The following CHIC1 variants were observed in gnomAD, a reference collection of about 807,000 sequenced individuals.
The protein encoded by CHIC1 is cysteine rich hydrophobic domain 1.
A neutral mutation model predicts 18.5 loss-of-function variants in CHIC1; 7 were observed. The observed-to-expected ratio is 0.38, with a 90% CI of 0.22 to 0.71. The LOEUF (loss-of-function observed/expected upper bound fraction) is 0.71, where lower values mean the gene tolerates loss of function less well. CHIC1 is among the 30% of genes least tolerant of loss of function. The pLI is 0.49. For synonymous variants in CHIC1, 77 were observed against 73.5 expected, an observed-to-expected ratio of 1.05 and a Z score of -0.25; for missense variants, 159 against 176.9, an observed-to-expected ratio of 0.90 and a Z score of 0.57.
chrX:73,605,727 G>C (rs2057679643), intron 3 of CHIC1, among the ~76,000 whole-genome samples: 1 of 108,582 alleles, frequency 9.2e-6, no homozygotes, highest in Non-Finnish European at 1.9e-5. Flanking sequence ...GTCTGTAGAG[G>C]ATTTTATTTC....
At position 73,599,026 on chromosome X, in the gene CHIC1, A is replaced by G. The variant is rs1178562060; in HGVS notation, c.507+14454A>G. ...CTGACTTTTTAATGATTGCCATTCT[A>G]ACTTGTGTGAGATGGTATCTCATTG... On this transcript the variant is annotated intron_variant, in intron 3 of 5. Transcript: ENST00000373502. Among the ~76,000 whole-genome samples the G allele has an allele frequency of 3.1e-3, 333 of 108,714 alleles. 3 individuals are homozygous for G. The highest frequency in any genetic ancestry group is 1.5e-3 in the Non-Finnish European group (78 of 52,464). The allele number at this position is 108,714 out of a possible 115,157, so 94.4% of individuals were successfully genotyped here.
In CHIC1 at chrX:73,563,424, A is replaced by C; in HGVS notation, c.140A>C (p.Asp47Ala). 1 of 1,159,941 alleles carries C rather than the reference A, an allele frequency of 8.6e-7. No homozygotes were observed. Among genetic ancestry groups the C allele is most frequent in the Non-Finnish European group, 1.2e-6 (1 of 869,112 alleles). Residue 47 changes from aspartate (D) to alanine (A), a missense_variant, in exon 1 of 6, where the codon GAT (aspartate) becomes GCT (alanine). By Grantham distance (126) the Asp-to-Ala change is moderately radical. Transcript: ENST00000373502. ...TCTGGGCCCGACGATGACGAGGAGGATGAGGAGGAAGAGGAGGAAGAGGAG... is the reference window on the plus strand; with the variant it reads ...TCTGGGCCCGACGATGACGAGGAGGCTGAGGAGGAAGAGGAGGAAGAGGAG... ...SVSGPDDDEE[D>A]EEEEEEEEEE...
chrX:73,591,271 T>C (rs1248942814), intron 3 of CHIC1, among the ~76,000 whole-genome samples: 2 of 110,697 alleles, frequency 1.8e-5, no homozygotes, highest in Non-Finnish European at 1.9e-5. Flanking sequence ...ATGACCCCCC[T>C]TTTTTTAATG....
chrX:73,639,272 A>AT (rs2057844360), intron 3 of CHIC1, among the ~76,000 whole-genome samples: 1 of 111,673 alleles, frequency 9.0e-6, no homozygotes, highest in South Asian at 3.7e-4. Context: ...TTCTCTAATG[A>AT]TTAGTGATAT....
intron 3 of CHIC1, among the ~76,000 whole-genome samples, chrX:73,651,617 C>T (rs2057916872): frequency 9.0e-6 from 1 of 110,730 alleles, no homozygotes; most frequent in Non-Finnish European, 1.9e-5. Flanking sequence ...CATGAGTGAA[C>T]TCCCAATCAC....
At chrX:73,597,888 G>C (rs927432052) in intron 3 of CHIC1, among the ~76,000 whole-genome samples, 1 of 110,621 alleles carries the variant, frequency 9.0e-6, no homozygotes, top group Non-Finnish European at 1.9e-5. Flanking sequence ...TTCTATTCCT[G>C]TGTTAGTTTG....
rs756686169 is a variant in CHIC1 at position 73,629,599 on chromosome X, A to G, written c.507+45027A>G. Among the ~76,000 whole-genome samples, 13 of 112,116 alleles carry G rather than the reference A, an allele frequency of 1.2e-4. No individual in the cohort carries two copies. The South Asian group carries it at 4.8e-3, about 41-fold the overall frequency. The stretch of plus-strand genomic sequence containing the variant: ...TGTATGCTTGTTTTCCTTTTCAAAA[A>G]TTAGTTGACCATATATGCATGAGTT... On this transcript the variant is annotated intron_variant, in intron 3 of 5. Transcript: ENST00000373502.
At chrX:73,658,254 T>G (rs1012568955) in intron 3 of CHIC1, among the ~76,000 whole-genome samples, 1 of 82,172 alleles carries the variant, frequency 1.2e-5, no homozygotes, top group African/African-American at 4.4e-5. Flanking sequence ...CTAGGTTTTT[T>G]TTTTTTTTTT....
At chrX:73,643,250 T>G (rs1471431541) in intron 3 of CHIC1, among the ~76,000 whole-genome samples, 1 of 111,083 alleles carries the variant, frequency 9.0e-6, no homozygotes, top group Non-Finnish European at 1.9e-5. Flanking sequence ...GTTAGTCTGA[T>G]GGGCTTCCCT....
chrX:73,578,624 G>A (rs1233778229), intron 2 of CHIC1: 1 of 109,887 alleles, frequency 9.1e-6, no homozygotes, highest in Non-Finnish European at 1.9e-5. Context: ...GGTGAGAAAA[G>A]CAAAATGAAA....
At chrX:73,565,480 T>A (rs755990063) in intron 1 of CHIC1, among the ~76,000 whole-genome samples, 1 of 111,882 alleles carries the variant, frequency 8.9e-6, no homozygotes, top group African/African-American at 3.2e-5. Context: ...CGGGTAGTAC[T>A]GTTGGTATTC....
chrX:73,656,731 G>C (rs929294447), intron 3 of CHIC1, among the ~76,000 whole-genome samples: 6 of 112,135 alleles, frequency 5.4e-5, no homozygotes, highest in African/African-American at 1.6e-4. Flanking sequence ...GAGTCAGGTA[G>C]CGTGATGCCT....
At chrX:73,570,583 A>C (rs1206158529) in intron 1 of CHIC1, among the ~76,000 whole-genome samples, 2 of 111,185 alleles carry the variant, frequency 1.8e-5, no homozygotes, top group East Asian at 5.6e-4. Flanking sequence ...AGTTTTAGAC[A>C]GGTTTCACTT....
chrX:73,663,941 C>T (rs1312692386), intron 3 of CHIC1, among the ~76,000 whole-genome samples: 2 of 111,635 alleles, frequency 1.8e-5, no homozygotes, highest in African/African-American at 3.3e-5. Flanking sequence ...ACTTAATCGC[C>T]CTAGGACTAA....
chrX:73,624,538 C>T (rs776642125), intron 3 of CHIC1, among the ~76,000 whole-genome samples: 3 of 112,195 alleles, frequency 2.7e-5, no homozygotes, highest in Non-Finnish European at 5.6e-5. Flanking sequence ...TTCTATTGCT[C>T]TTCCCAGAAG....
chrX:73,590,876 T>G (rs1009793222), intron 3 of CHIC1, among the ~76,000 whole-genome samples: 1 of 111,668 alleles, frequency 9.0e-6, no homozygotes, highest in African/African-American at 3.2e-5. Context: ...TCTTGGTTAC[T>G]TCCAAGGTTT....
intron 1 of CHIC1, among the ~76,000 whole-genome samples, chrX:73,570,368 A>G (rs936261831): frequency 3.6e-5 from 4 of 111,165 alleles, no homozygotes; most frequent in African/African-American, 6.5e-5. Flanking sequence ...AGCAGTGACA[A>G]TGAAGGAAGG....
intron 3 of CHIC1, among the ~76,000 whole-genome samples, chrX:73,663,733 C>T (rs1010858071): frequency 4.5e-5 from 5 of 111,066 alleles, no homozygotes; most frequent in African/African-American, 1.6e-4. Flanking sequence ...CAGATATACT[C>T]CTGTGGCTCC....
chrX:73,666,092 G>T (rs5982470), intron 3 of CHIC1, among the ~76,000 whole-genome samples: 1,305 of 111,545 alleles, frequency 0.012, 8 homozygotes, highest in Middle Eastern at 0.023. Flanking sequence ...AGAGAATTTG[G>T]CTGCCTTCAA....
Sources: gnomAD v4.1 joint callset for allele counts (sites outside exome capture counted in the v4.1 genomes callset) on GRCh38, gnomAD v4.1.1 for gene constraint, MANE v1.5 for transcripts, NCBI Gene and HGNC (gene_info 2026-07-23, HGNC 2026-07-21) for gene names.